FBXW11: variants seen among roughly 807,000 people sequenced by gnomAD.
FBXW11 encodes the protein F-box and WD repeat domain containing 11.
In FBXW11, 19 loss-of-function variants were observed where a neutral mutation model predicts 77.6. That is an observed-to-expected ratio of 0.24 (90% CI 0.17 to 0.36). The LOEUF (loss-of-function observed/expected upper bound fraction) is 0.36. Ranked by LOEUF, FBXW11 falls within the 10% of genes least tolerant of loss-of-function variation. The probability of loss-of-function intolerance (pLI) is 1.00; values close to 1 mark genes in which losing one functional copy is unlikely to be tolerated. For missense variants in FBXW11, 334 were observed against 704.2 expected (o/e 0.47, Z 5.95); for synonymous variants, 235 against 249.4 (o/e 0.94, Z 0.54).
At chr5:171,947,437 G>A (rs1221003169) in intron 2 of FBXW11, among the ~76,000 whole-genome samples, 2 of 151,966 alleles carry the variant, frequency 1.3e-5, no homozygotes, top group Admixed American at 6.6e-5. Context: ...GGTGGCCCAC[G>A]CCTGTAATCT....
At chr5:171,982,120 A>C (rs1581070857) in intron 1 of FBXW11, among the ~76,000 whole-genome samples, 1 of 152,216 alleles carries the variant, frequency 6.6e-6, no homozygotes, top group Non-Finnish European at 1.5e-5. Context: ...ATATTTCTCA[A>C]AACTCAAACA....
intron 1 of FBXW11, among the ~76,000 whole-genome samples, chr5:171,998,752 G>A (rs1766225733): frequency 1.4e-5 from 2 of 147,752 alleles, no homozygotes; most frequent in Admixed American, 6.8e-5. Context: ...AGCTGAGATC[G>A]TGCCACTGTA....
Position 171,876,547 on chromosome 5 carries a change from AGAAAAGCAT to A in FBXW11, c.972-22_972-14del. 6.2e-7 allele frequency: 1 copy of A among 1,610,036 alleles called. No individual in the cohort carries two copies. Among genetic ancestry groups the A allele is most frequent in the Non-Finnish European group, 8.5e-7 (1 of 1,176,472 alleles). ...CACATCCCACACTCTAGGAGAGAAG[AGAAAAGCAT>A]GATGCTTAATTATGGAGACAGCCAG... On this transcript the variant is annotated splice_polypyrimidine_tract_variant and intron_variant, in intron 8 of 13. Coordinates refer to ENST00000517395, the MANE Select transcript of FBXW11 (RefSeq NM_001378974.1). The surrounding 1 kb of genome is among the most constrained non-coding windows in gnomAD (Gnocchi z 4.2).
chr5:171,967,881 TATACACACACACACACACACAC>T (rs1162832032), intron 1 of FBXW11, among the ~76,000 whole-genome samples: 2 of 64,920 alleles, frequency 3.1e-5, no homozygotes, highest in African/African-American at 1.3e-4. Context: ...TATATATATA[TATACACACACACACACACACAC>T]ACACACACAC....
At chr5:171,990,114 A>G (rs892400342) in intron 1 of FBXW11, among the ~76,000 whole-genome samples, 2 of 151,818 alleles carry the variant, frequency 1.3e-5, no homozygotes, top group African/African-American at 4.8e-5. Flanking sequence ...AGGGAAGGAG[A>G]AAAGGAGAGA....
At chr5:171,981,945 C>T (rs918276315) in intron 1 of FBXW11, among the ~76,000 whole-genome samples, 3 of 152,102 alleles carry the variant, frequency 2.0e-5, no homozygotes, top group African/African-American at 7.2e-5. Context: ...TTGTATGATT[C>T]CATCTTATAT....
Position 171,863,776 on chromosome 5 carries a change from G to A in FBXW11, c.*351C>T, listed in dbSNP as rs1757222088. ...AAAGTGCAAAGCAATATAAATTAGA[G>A]GCCAAGTCTTCTCTTGACGGTCGAT... On this transcript the variant is annotated 3_prime_UTR_variant, in exon 14 of 14. Coordinates refer to ENST00000517395, the MANE Select transcript of FBXW11 (RefSeq NM_001378974.1). 3 of 152,598 alleles carry A rather than the reference G, an allele frequency of 2.0e-5. No individual in the cohort carries two copies. Among genetic ancestry groups the A allele is most frequent in the Non-Finnish European group, 4.4e-5 (3 of 68,030 alleles). The allele number at this position is 152,598 out of a possible 1,614,324, so 9.5% of individuals were successfully genotyped here. A position where few individuals can be genotyped will look rare whatever the true frequency, so the allele number is the denominator to read the frequency against.
intron 1 of FBXW11, among the ~76,000 whole-genome samples, chr5:171,989,646 G>C (rs1408051755): frequency 6.6e-6 from 1 of 152,206 alleles, no homozygotes; most frequent in Admixed American, 6.5e-5. Context: ...TGCAGGCAAA[G>C]GAAGGAAAAG....
chr5:171,997,125 A>C, intron 1 of FBXW11: 1 of 1,218,580 alleles, frequency 8.2e-7, no homozygotes, highest in East Asian at 5.7e-5. Context: ...AAGAAATGGA[A>C]GGAAGGGTCA....
At chr5:171,935,374 A>G (rs550271026) in intron 2 of FBXW11, among the ~76,000 whole-genome samples, 2 of 151,856 alleles carry the variant, frequency 1.3e-5, no homozygotes, top group African/African-American at 4.9e-5. Flanking sequence ...GTGTAAATTT[A>G]CAATATTTGA....
chr5:171,927,322 A>G (rs1761945066), intron 2 of FBXW11, among the ~76,000 whole-genome samples: 1 of 152,184 alleles, frequency 6.6e-6, no homozygotes. Flanking sequence ...ATATACCTCA[A>G]TTCTTTCAAA....
At chr5:171,937,567 G>A (rs1762539836) in intron 2 of FBXW11, among the ~76,000 whole-genome samples, 1 of 152,070 alleles carries the variant, frequency 6.6e-6, no homozygotes, top group African/African-American at 2.4e-5. Context: ...CGGATACAGT[G>A]GCTCACACCT....
chr5:171,968,878 G>A (rs1011398991), intron 1 of FBXW11, among the ~76,000 whole-genome samples: 5 of 152,130 alleles, frequency 3.3e-5, no homozygotes, highest in Non-Finnish European at 5.9e-5. Flanking sequence ...TGTGCACAAC[G>A]AGATCCTGAT....
At chr5:171,872,079 T>C (rs575105963) in intron 10 of FBXW11, among the ~76,000 whole-genome samples, 10 of 152,332 alleles carry the variant, frequency 6.6e-5, no homozygotes, top group African/African-American at 2.4e-4. Flanking sequence ...TTTTTGTTAT[T>C]TGCTTGCCTT....
At chr5:171,935,945 T>C (rs1213298637) in intron 2 of FBXW11, among the ~76,000 whole-genome samples, 1 of 151,544 alleles carries the variant, frequency 6.6e-6, no homozygotes, top group Non-Finnish European at 1.5e-5. Context: ...CCCCCATCTC[T>C]ACTAAAAATA....
chr5:171,910,840 G>A (rs781436048), intron 3 of FBXW11, 43 bp from the exon 4 acceptor site: 2 of 1,301,290 alleles, frequency 1.5e-6, no homozygotes. Flanking sequence ...AACAAGGAAA[G>A]AAACCTAATT....
chr5:171,918,085 A>G (rs931804722), intron 2 of FBXW11, among the ~76,000 whole-genome samples: 1 of 152,128 alleles, frequency 6.6e-6, no homozygotes, highest in South Asian at 2.1e-4. Context: ...GACAAAGGAA[A>G]CACCCACTTT....
chr5:171,976,113 A>C lies in FBXW11; in HGVS notation c.46-18415T>G, dbSNP rs573354560. On this transcript the variant is annotated intron_variant, in intron 1 of 13. Coordinates refer to ENST00000517395, the MANE Select transcript of FBXW11 (RefSeq NM_001378974.1). ...GGAGGGGAAGGCAGCAGTTAAGGCC[A>C]TGACAACTCCTTCAAAATGATAGTT... Among the ~76,000 whole-genome samples the C allele has an allele frequency of 7.9e-5, 12 of 152,296 alleles. No individual in the cohort carries two copies. The East Asian group carries it at 2.3e-3, about 29-fold the overall frequency.
intron 1 of FBXW11, among the ~76,000 whole-genome samples, chr5:171,979,491 A>G (rs1344297317): frequency 2.0e-5 from 3 of 151,964 alleles, no homozygotes; most frequent in African/African-American, 7.2e-5. Context: ...TTTACATTAT[A>G]TTTATTTTCA....
Sources: allele counts gnomAD v4.1 joint callset (sites outside exome capture counted in the v4.1 genomes callset), GRCh38; gene constraint gnomAD v4.1.1; non-coding constraint Gnocchi (gnomAD v3.1); transcripts MANE v1.5; gene names NCBI Gene and HGNC (gene_info 2026-07-23, HGNC 2026-07-21).